RSRC1: variants seen among roughly 807,000 people sequenced by gnomAD.
RSRC1 encodes the protein serine/Arginine-related protein 53.
In RSRC1, 39 loss-of-function variants were observed where a neutral mutation model predicts 49.1. That is an observed-to-expected ratio of 0.79 (90% CI 0.61 to 1.04). RSRC1 has a LOEUF of 1.04. RSRC1 is among the 50% of genes least tolerant of loss of function. The pLI, the probability that RSRC1 is intolerant of heterozygous loss-of-function variation, is 0.00. For synonymous variants in RSRC1, 143 were observed against 130.8 expected, an observed-to-expected ratio of 1.09 and a Z score of -0.63; for missense variants, 388 against 402.4, an observed-to-expected ratio of 0.96 and a Z score of 0.31.
chr3:158,353,995 CTTTT>C (rs1230649090), intron 5 of RSRC1, among the ~76,000 whole-genome samples: 3 of 96,306 alleles, frequency 3.1e-5, no homozygotes, highest in East Asian at 6.3e-4. Flanking sequence ...GTTTCTTTTT[CTTTT>C]TTTTTTTTTT....
chr3:158,241,950 A>G (rs535472395), intron 4 of RSRC1, among the ~76,000 whole-genome samples: 4 of 150,836 alleles, frequency 2.7e-5, no homozygotes, highest in Non-Finnish European at 4.4e-5. Context: ...GGAAGTATAT[A>G]CTCTTAAAAT....
At chr3:158,480,533 C>A (rs745913059) in intron 7 of RSRC1, among the ~76,000 whole-genome samples, 12 of 151,970 alleles carry the variant, frequency 7.9e-5, no homozygotes, top group Non-Finnish European at 1.6e-4. Flanking sequence ...ATATTATAGT[C>A]TCTTAGATGG....
At chr3:158,117,257 T>C (rs543395973) in intron 1 of RSRC1, among the ~76,000 whole-genome samples, 1 of 152,334 alleles carries the variant, frequency 6.6e-6, no homozygotes, top group East Asian at 1.9e-4. Flanking sequence ...GTATGTCTTT[T>C]TAGAAAAATC....
At chr3:158,169,402 A>G (rs1194135214) in intron 3 of RSRC1, among the ~76,000 whole-genome samples, 7 of 152,040 alleles carry the variant, frequency 4.6e-5, no homozygotes, top group Admixed American at 4.6e-4. Flanking sequence ...ATAAATCCCT[A>G]TCTTATTCTT....
chr3:158,456,042 T>C (rs1176214586), intron 6 of RSRC1, among the ~76,000 whole-genome samples: 1 of 148,672 alleles, frequency 6.7e-6, no homozygotes, highest in Admixed American at 6.7e-5. Context: ...GTATTAATTT[T>C]CTAAATCCTT....
intron 4 of RSRC1, among the ~76,000 whole-genome samples, chr3:158,232,507 T>A (rs1723022931): frequency 6.6e-6 from 1 of 152,132 alleles, no homozygotes; most frequent in African/African-American, 2.4e-5. Flanking sequence ...ATTAGATGTT[T>A]ACATTGAAAT....
intron 6 of RSRC1, among the ~76,000 whole-genome samples, chr3:158,450,867 T>G (rs1327376240): frequency 4.0e-5 from 6 of 151,888 alleles, no homozygotes; most frequent in Non-Finnish European, 8.8e-5. Context: ...CTTTACAGTT[T>G]CTTTTTATTT....
At chr3:158,162,718 AT>A (rs1166748984) in intron 3 of RSRC1, among the ~76,000 whole-genome samples, 1 of 152,174 alleles carries the variant, frequency 6.6e-6, no homozygotes, top group African/African-American at 2.4e-5. Context: ...AGGGGCTGAT[AT>A]CAGCGTTATT....
chr3:158,251,174 G>T (rs766713869), intron 4 of RSRC1, among the ~76,000 whole-genome samples: 2 of 152,048 alleles, frequency 1.3e-5, no homozygotes, highest in African/African-American at 2.4e-5. Flanking sequence ...TGTTCCATTG[G>T]TCTGTGTCTG....
At chr3:158,117,103 C>T (rs1714886983) in intron 1 of RSRC1, among the ~76,000 whole-genome samples, 2 of 152,224 alleles carry the variant, frequency 1.3e-5, no homozygotes, top group African/African-American at 4.8e-5. Context: ...ATTTTCTCAG[C>T]ATTTTAAAGG....
At chr3:158,172,139 A>G (rs1028717442) in intron 3 of RSRC1, among the ~76,000 whole-genome samples, 5 of 152,238 alleles carry the variant, frequency 3.3e-5, no homozygotes, top group Non-Finnish European at 7.3e-5. Context: ...AGAATTTTGT[A>G]GAAAACATTT....
intron 5 of RSRC1, among the ~76,000 whole-genome samples, chr3:158,319,896 A>G (rs1362941075): frequency 6.6e-6 from 1 of 152,180 alleles, no homozygotes; most frequent in East Asian, 1.9e-4. Flanking sequence ...ATATCATGTT[A>G]AAGTACCTTT....
At chr3:158,360,017 C>G (rs1258804417) in intron 6 of RSRC1, among the ~76,000 whole-genome samples, 2 of 152,084 alleles carry the variant, frequency 1.3e-5, no homozygotes, top group African/African-American at 4.8e-5. Flanking sequence ...GTTCAGTTCT[C>G]AGCAGAGAGG....
intron 3 of RSRC1, among the ~76,000 whole-genome samples, chr3:158,188,190 C>A (rs1476908835): frequency 2.0e-5 from 3 of 151,796 alleles, no homozygotes; most frequent in African/African-American, 7.3e-5. Flanking sequence ...AACTCTTTCT[C>A]CCCCTGTGTG....
At chr3:158,179,466 T>C (rs1266886385) in intron 3 of RSRC1, among the ~76,000 whole-genome samples, 1 of 152,202 alleles carries the variant, frequency 6.6e-6, no homozygotes, top group Admixed American at 6.5e-5. Context: ...ATTTTTGTCA[T>C]TTAAGAACGT....
chr3:158,163,210 C>G (rs1178546662), intron 3 of RSRC1, among the ~76,000 whole-genome samples: 1 of 152,092 alleles, frequency 6.6e-6, no homozygotes, highest in Non-Finnish European at 1.5e-5. Context: ...ACCATGTTGG[C>G]CAGGCTGGTC....
chr3:158,113,108 C>T (rs184884167), intron 1 of RSRC1, among the ~76,000 whole-genome samples: 202 of 125,720 alleles, frequency 1.6e-3, no homozygotes, highest in Non-Finnish European at 2.0e-3. Context: ...TGAACATAAA[C>T]GTGCATGTGT....
Position 158,172,164 on chromosome 3 carries a change from T to G in RSRC1, c.321-30908T>G, listed in dbSNP as rs1038233229. On this transcript the variant is annotated intron_variant, in intron 3 of 9. Coordinates refer to ENST00000611884, the MANE Select transcript of RSRC1 (RefSeq NM_001271838.2). ...AGAAAACATTTGAAGAAGTAATGGCTAAAAATTTTCTAAATTTGATAAAGT... is the reference window on the plus strand; with the variant it reads ...AGAAAACATTTGAAGAAGTAATGGCGAAAAATTTTCTAAATTTGATAAAGT... 3.3e-5 allele frequency among the ~76,000 whole-genome samples: 5 copies of G among 152,208 alleles called. No homozygotes were observed. In the East Asian group the frequency reaches 9.6e-4, roughly 29 times the overall value.
intron 4 of RSRC1, among the ~76,000 whole-genome samples, chr3:158,279,795 A>G (rs894128960): frequency 1.1e-4 from 17 of 152,302 alleles, no homozygotes; most frequent in African/African-American, 3.8e-4. Flanking sequence ...TCTTTCCTAG[A>G]TGTAAGTTGT....
Sources: gnomAD v4.1 joint callset for allele counts (sites outside exome capture counted in the v4.1 genomes callset) on GRCh38, gnomAD v4.1.1 for gene constraint, MANE v1.5 for transcripts, NCBI Gene and HGNC (gene_info 2026-07-23, HGNC 2026-07-21) for gene names.